NRG1: variants seen among roughly 807,000 people sequenced by gnomAD.
NRG1 encodes pro-neuregulin-1, membrane-bound isoform.
NRG1 carries 18 observed loss-of-function variants against 63.8 expected under a neutral mutation model. The ratio of observed to expected loss-of-function variants is 0.28; its 90% CI spans 0.19 to 0.42. The LOEUF (loss-of-function observed/expected upper bound fraction) is 0.42, where lower values mean the gene tolerates loss of function less well. NRG1 is among the 10% of genes least tolerant of loss of function. NRG1 has a pLI of 1.00. For synonymous variants in NRG1, 302 were observed against 301.3 expected (o/e 1.00, Z -0.02); for missense variants, 762 against 814.7 (o/e 0.94, Z 0.79).
At chr8:32,558,405 T>C (rs1835611842) in intron 1 of NRG1, among the ~76,000 whole-genome samples, 1 of 152,220 alleles carries the variant, frequency 6.6e-6, no homozygotes, top group African/African-American at 2.4e-5. Context: ...CTTCGTTTAC[T>C]TTCCATTAAG....
At chr8:32,416,508 T>C (rs1472373098) in intron 1 of NRG1, among the ~76,000 whole-genome samples, 1 of 152,134 alleles carries the variant, frequency 6.6e-6, no homozygotes, top group African/African-American at 2.4e-5. Flanking sequence ...GATTCTCGAA[T>C]ATAGGCTTTT....
At chr8:32,266,711 A>G (rs971243202) in intron 1 of NRG1, among the ~76,000 whole-genome samples, 5 of 152,102 alleles carry the variant, frequency 3.3e-5, no homozygotes, top group Non-Finnish European at 7.4e-5. Flanking sequence ...TCTAGCCCCA[A>G]AACAGGAAAA....
intron 1 of NRG1, among the ~76,000 whole-genome samples, chr8:31,675,739 A>G (rs1585583899): frequency 6.6e-6 from 1 of 152,154 alleles, no homozygotes; most frequent in Admixed American, 6.5e-5. Flanking sequence ...TTACAATTGG[A>G]AAAAAAATGA....
At chr8:32,700,784 T>G (rs1228322106) in intron 5 of NRG1, among the ~76,000 whole-genome samples, 2 of 152,250 alleles carry the variant, frequency 1.3e-5, no homozygotes, top group Non-Finnish European at 2.9e-5. Flanking sequence ...TGATACATTT[T>G]AAGATAAGCA....
upstream of NRG1, among the ~76,000 whole-genome samples, chr8:32,543,898 A>C (rs1256688832): frequency 6.6e-6 from 1 of 152,148 alleles, no homozygotes; most frequent in Non-Finnish European, 1.5e-5. Flanking sequence ...TGCTGGTCAG[A>C]AGTGCTTTGC....
intron 1 of NRG1, among the ~76,000 whole-genome samples, chr8:32,455,042 C>A (rs1353221084): frequency 6.6e-6 from 1 of 152,128 alleles, no homozygotes; most frequent in East Asian, 1.9e-4. Context: ...TACCATATAG[C>A]CAAGGTGTGT....
rs187357055 is a variant in NRG1 at position 32,418,634 on chromosome 8, A to G, written c.38-177194A>G. ...TTAAATGTATTAAAATGATAAGTCT[A>G]TAAGGTATCTTCTTAAGTAAATTCT... On this transcript the variant is annotated intron_variant, in intron 1 of 10. Transcript: ENST00000519301. Among the ~76,000 whole-genome samples the G allele has an allele frequency of 5.5e-3, 837 of 152,230 alleles. 6 individuals carry two copies. The highest frequency in any genetic ancestry group is 0.018 in the African/African-American group (765 of 41,556).
intron 1 of NRG1, among the ~76,000 whole-genome samples, chr8:31,999,045 CT>C (rs533757734): frequency 1.5e-4 from 22 of 148,410 alleles, no homozygotes; most frequent in East Asian, 2.0e-4. Flanking sequence ...GTATATAGTT[CT>C]TTTTTTTTTC....
intron 1 of NRG1, among the ~76,000 whole-genome samples, chr8:31,756,272 A>T (rs1465265860): frequency 3.9e-5 from 6 of 152,122 alleles, no homozygotes; most frequent in Admixed American, 2.6e-4. Context: ...ACACACTCAT[A>T]ACATCCTATC....
intron 1 of NRG1, among the ~76,000 whole-genome samples, chr8:31,741,013 A>G (rs1000723309): frequency 6.6e-6 from 1 of 152,116 alleles, no homozygotes; most frequent in Non-Finnish European, 1.5e-5. Context: ...TGTGGTACAT[A>G]TGCACCATGG....
intron 2 of NRG1, among the ~76,000 whole-genome samples, chr8:32,598,098 C>T (rs1385038401): frequency 6.6e-6 from 1 of 152,072 alleles, no homozygotes; most frequent in East Asian, 1.9e-4. Flanking sequence ...TATGCTAGGA[C>T]TGTGGAGAAA....
chr8:31,813,529 T>TTG (rs1554540803), intron 1 of NRG1, among the ~76,000 whole-genome samples: 78 of 140,738 alleles, frequency 5.5e-4, no homozygotes, highest in African/African-American at 1.7e-3. Context: ...TTTTTTTTTT[T>TTG]TTTTGTTTTT....
chr8:32,635,855 C>T (rs1851240172), intron 5 of NRG1, among the ~76,000 whole-genome samples: 1 of 152,048 alleles, frequency 6.6e-6, no homozygotes, highest in Non-Finnish European at 1.5e-5. Flanking sequence ...AGTTTCCATC[C>T]AAAACTTTTT....
At chr8:32,540,335 T>C (rs1470775884) in intron 1 of NRG1, among the ~76,000 whole-genome samples, 2 of 152,208 alleles carry the variant, frequency 1.3e-5, no homozygotes, top group Non-Finnish European at 2.9e-5. Context: ...AATAAATATA[T>C]CTGATAAGAA....
chr8:31,801,449 A>G (rs1255556290), intron 1 of NRG1, among the ~76,000 whole-genome samples: 2 of 152,180 alleles, frequency 1.3e-5, no homozygotes, highest in East Asian at 1.9e-4. Flanking sequence ...GTTTAAATAT[A>G]AAGTATTTTT....
intron 1 of NRG1, among the ~76,000 whole-genome samples, chr8:31,740,310 G>T (rs1005646244): frequency 1.1e-4 from 16 of 151,936 alleles, no homozygotes; most frequent in Admixed American, 2.6e-4. Flanking sequence ...ATTTTTTACT[G>T]TATATTAAAA....
intron 5 of NRG1, among the ~76,000 whole-genome samples, chr8:32,627,312 A>G (rs186309052): frequency 6.6e-6 from 1 of 152,332 alleles, no homozygotes; most frequent in Admixed American, 6.5e-5. Context: ...AAATATAACT[A>G]GAAACTTTTA....
chr8:32,572,028 T>G (rs1838694411), intron 1 of NRG1, among the ~76,000 whole-genome samples: 1 of 152,226 alleles, frequency 6.6e-6, no homozygotes, highest in East Asian at 1.9e-4. Context: ...TTTTATGTCC[T>G]ATCTTCTCTA....
intron 1 of NRG1, among the ~76,000 whole-genome samples, chr8:32,498,092 G>T (rs1827430437): frequency 6.6e-6 from 1 of 152,120 alleles, no homozygotes; most frequent in South Asian, 2.1e-4. Flanking sequence ...CAAAGTACTG[G>T]GATTACAGGT....
Sources: gnomAD v4.1 joint callset for allele counts (sites outside exome capture counted in the v4.1 genomes callset) on GRCh38, gnomAD v4.1.1 for gene constraint, MANE v1.5 for transcripts, NCBI Gene and HGNC (gene_info 2026-07-23, HGNC 2026-07-21) for gene names.